Variants in HSPA4 observed in about 807,000 individuals in gnomAD.
HSPA4 encodes the protein heat shock protein family A (Hsp70) member 4, also known as heat shock 70 kDa protein 4.
In HSPA4, 25 loss-of-function variants were observed where a neutral mutation model predicts 106.2. The ratio of observed to expected loss-of-function variants is 0.24; its 90% CI spans 0.17 to 0.33. The LOEUF (loss-of-function observed/expected upper bound fraction) is 0.33. Among genes scored for constraint, HSPA4 ranks in the 10% least tolerant of loss-of-function variants. HSPA4 has a pLI of 1.00. For synonymous variants in HSPA4, 332 were observed against 333.6 expected, an observed-to-expected ratio of 1.00 and a Z score of 0.05; for missense variants, 841 against 996.0, an observed-to-expected ratio of 0.84 and a Z score of 2.10.
intron 7 of HSPA4, among the ~76,000 whole-genome samples, chr5:133,082,889 A>G (rs1765530133): frequency 6.6e-6 from 1 of 152,104 alleles, no homozygotes; most frequent in African/African-American, 2.4e-5. Context: ...TAATCCCAGC[A>G]TTTTGGGAGG....
intron 8 of HSPA4, 61 bp from the exon 9 acceptor site, chr5:133,088,343 T>TG: frequency 8.3e-7 from 1 of 1,207,878 alleles, no homozygotes; most frequent in Non-Finnish European, 1.2e-6. Context: ...TATTTCATCA[T>TG]GGTAAGATGT....
rs879319527 is a variant in HSPA4 at position 133,100,402 on chromosome 5, C to CT, written c.2037+762dup. ...TGGTTTTGTATTTAAAGCATCTGAT[C>CT]TTTTTTTTTTTTGAGACGGAGCCTT... On this transcript the variant is annotated intron_variant, in intron 16 of 18. Coordinates refer to ENST00000304858, the MANE Select transcript of HSPA4 (RefSeq NM_002154.4). Among the ~76,000 whole-genome samples the CT allele has an allele frequency of 5.2e-3, 708 of 135,772 alleles. 3 individuals carry two copies. The highest frequency in any genetic ancestry group is 0.01 in the African/African-American group (382 of 36,926). 89.1% of individuals were successfully genotyped at this position (135,772 alleles called of 152,430 possible). A position where few individuals can be genotyped will look rare whatever the true frequency, so the allele number is the denominator to read the frequency against.
At chr5:133,079,398 C>T (rs898055285) in intron 7 of HSPA4, among the ~76,000 whole-genome samples, 6 of 152,292 alleles carry the variant, frequency 3.9e-5, no homozygotes, top group Admixed American at 1.3e-4. Flanking sequence ...ATGTAATATG[C>T]GTCTGGCTTC....
chr5:133,102,394 G>A (rs1205650679), intron 17 of HSPA4, among the ~76,000 whole-genome samples: 1 of 152,160 alleles, frequency 6.6e-6, no homozygotes, highest in Non-Finnish European at 1.5e-5. Context: ...GGTGGAATCT[G>A]GAATTGAACA....
chr5:133,072,306 C>G (rs1362940072), intron 4 of HSPA4, among the ~76,000 whole-genome samples: 1 of 151,870 alleles, frequency 6.6e-6, no homozygotes, highest in African/African-American at 2.4e-5. Context: ...CCAGAGTCAG[C>G]CTGTGCTTAA....
At chr5:133,085,859 T>G (rs1019481753) in intron 7 of HSPA4, among the ~76,000 whole-genome samples, 1 of 152,186 alleles carries the variant, frequency 6.6e-6, no homozygotes, top group Non-Finnish European at 1.5e-5. Flanking sequence ...TACTTACACA[T>G]TGTTAAAACT....
chr5:133,070,615 T>C (rs1315391003), intron 4 of HSPA4, 119 bp downstream of exon 4: 3 of 1,262,886 alleles, frequency 2.4e-6, no homozygotes, highest in Non-Finnish European at 3.3e-6. Flanking sequence ...TTAAAATGTT[T>C]GTCAGGCCGG....
chr5:133,098,048 T>C (rs1166968346), intron 15 of HSPA4, among the ~76,000 whole-genome samples: 1 of 152,014 alleles, frequency 6.6e-6, no homozygotes, highest in Non-Finnish European at 1.5e-5. Context: ...AAGATGGTAG[T>C]TTTTTTATCC....
chr5:133,070,340 A>G (rs777695982), intron 3 of HSPA4, 34 bp from the exon 4 acceptor site: 8 of 1,582,250 alleles, frequency 5.1e-6, no homozygotes, highest in Non-Finnish European at 6.8e-6. Context: ...AAAGAAATAT[A>G]ATAAGTCTAG....
chr5:133,083,911 C>A (rs763244744), intron 7 of HSPA4, among the ~76,000 whole-genome samples: 1 of 152,002 alleles, frequency 6.6e-6, no homozygotes, highest in Non-Finnish European at 1.5e-5. Context: ...AAATTGCGGA[C>A]ATCTATAAAT....
chr5:133,061,229 T>C (rs983990327), intron 1 of HSPA4, among the ~76,000 whole-genome samples: 10 of 151,666 alleles, frequency 6.6e-5, no homozygotes, highest in Non-Finnish European at 1.5e-4. Flanking sequence ...TTCACGCCAT[T>C]CTCCTGCCTC....
At chr5:133,058,751 G>T (rs2126693021) in intron 1 of HSPA4, among the ~76,000 whole-genome samples, 1 of 151,578 alleles carries the variant, frequency 6.6e-6, no homozygotes, top group East Asian at 2.0e-4. Context: ...CCAGCACTTT[G>T]GGAGGCCGAG....
intron 1 of HSPA4, 137 bp downstream of exon 1, chr5:133,052,494 C>T: frequency 1.6e-6 from 1 of 610,466 alleles, no homozygotes; most frequent in Non-Finnish European, 2.8e-6. Flanking sequence ...AGGTCAGGGA[C>T]CCCCAGTAGG....
chr5:133,074,148 A>G (rs755480705), intron 6 of HSPA4, 22 bp downstream of exon 6: 15 of 1,527,506 alleles, frequency 9.8e-6, no homozygotes, highest in Middle Eastern at 1.8e-4. Flanking sequence ...TTTTTTTTCC[A>G]GAAGACTGTT....
At chr5:133,074,247 T>G in intron 6 of HSPA4, 121 bp downstream of exon 6, 1 of 535,114 alleles carries the variant, frequency 1.9e-6, no homozygotes. Context: ...ACAGGGTTAT[T>G]CAGAGGATTT....
chr5:133,075,408 T>G (rs1285832569), intron 6 of HSPA4, among the ~76,000 whole-genome samples: 1 of 152,246 alleles, frequency 6.6e-6, no homozygotes, highest in Non-Finnish European at 1.5e-5. Context: ...CTGTGTTACC[T>G]GTCACCTGTC....
chr5:133,059,519 A>G (rs1467962156), intron 1 of HSPA4, among the ~76,000 whole-genome samples: 2 of 151,456 alleles, frequency 1.3e-5, no homozygotes, highest in East Asian at 3.9e-4. Context: ...AGGCTGAGGT[A>G]GGAGGATTGC....
chr5:133,071,462 A>G (rs1765380441), intron 4 of HSPA4, among the ~76,000 whole-genome samples: 1 of 150,796 alleles, frequency 6.6e-6, no homozygotes, highest in Non-Finnish European at 1.5e-5. Flanking sequence ...AACTTATCCA[A>G]AAAACAAAGA....
At chr5:133,087,941 G>A (rs749892663) in intron 8 of HSPA4, among the ~76,000 whole-genome samples, 4 of 152,152 alleles carry the variant, frequency 2.6e-5, no homozygotes, top group Non-Finnish European at 5.9e-5. Context: ...GTGTTTTAAC[G>A]TGGACTATGT....
Sources: allele counts gnomAD v4.1 joint callset (sites outside exome capture counted in the v4.1 genomes callset), GRCh38; gene constraint gnomAD v4.1.1; transcripts MANE v1.5; gene names NCBI Gene and HGNC (gene_info 2026-07-23, HGNC 2026-07-21).